ERC2: variants seen among roughly 807,000 people sequenced by gnomAD.
The protein encoded by ERC2 is ELKS/RAB6-interacting/CAST family member 2.
ERC2 carries 42 observed loss-of-function variants against 114.8 expected under a neutral mutation model. That is an observed-to-expected ratio of 0.37 (90% confidence interval 0.29 to 0.47). The LOEUF (loss-of-function observed/expected upper bound fraction) is 0.47, where lower values mean the gene tolerates loss of function less well. ERC2 is among the 20% of genes least tolerant of loss of function. The pLI is 0.99. For synonymous variants in ERC2, 454 were observed against 425.5 expected (o/e 1.07, Z -0.82); for missense variants, 939 against 1,150.7 (o/e 0.82, Z 2.66).
intron 2 of ERC2, among the ~76,000 whole-genome samples, chr3:56,366,230 C>A (rs564843646): frequency 2.0e-5 from 3 of 152,354 alleles, no homozygotes; most frequent in Non-Finnish European, 2.9e-5. Context: ...TTCTCTTTTT[C>A]ACTGTAAGAA....
intron 17 of ERC2, among the ~76,000 whole-genome samples, chr3:55,610,060 C>CAAAAA (rs1172154104): frequency 2.8e-4 from 14 of 50,438 alleles, no homozygotes; most frequent in Non-Finnish European, 3.8e-4. Context: ...CAAACAAACA[C>CAAAAA]AAACAAAAAA....
intron 17 of ERC2, among the ~76,000 whole-genome samples, chr3:55,545,280 AAATG>A (rs1420137753): frequency 6.6e-6 from 1 of 152,150 alleles, no homozygotes; most frequent in African/African-American, 2.4e-5. Flanking sequence ...TCCAAACTCC[AAATG>A]GCAACCAGAG....
chr3:55,628,390 G>T (rs2059609955), intron 17 of ERC2, among the ~76,000 whole-genome samples: 1 of 152,198 alleles, frequency 6.6e-6, no homozygotes, highest in Non-Finnish European at 1.5e-5. Context: ...AATGTAAATT[G>T]TCATGTTACC....
At chr3:55,653,623 A>G (rs1276581841) in intron 17 of ERC2, among the ~76,000 whole-genome samples, 2 of 149,422 alleles carry the variant, frequency 1.3e-5, no homozygotes, top group Non-Finnish European at 3.0e-5. Context: ...GTAAGCCTGG[A>G]AGAATCTCTG....
At position 56,247,004 on chromosome 3, in the gene ERC2, G is replaced by A. The variant is rs538430802; in HGVS notation, c.1074+49015C>T. Among the ~76,000 whole-genome samples, 52 of 152,336 alleles carry A rather than the reference G, an allele frequency of 3.4e-4. No homozygotes were observed. The South Asian group carries it at 0.01, about 30-fold the overall frequency. ...GAACTCTGCATTTTCCTCAACTAAA[G>A]TTTTATTTTGCCCAAGCAGTCACTG... is the stretch of plus-strand genomic sequence containing the variant. On this transcript the variant is annotated intron_variant, in intron 3 of 17. Transcript: ENST00000288221.
At chr3:55,788,965 T>TG (rs1258673335) in intron 14 of ERC2, among the ~76,000 whole-genome samples, 1 of 152,090 alleles carries the variant, frequency 6.6e-6, no homozygotes, top group African/African-American at 2.4e-5. Context: ...CCAAAAGGGG[T>TG]AACCAGTCAC....
At chr3:56,320,929 C>T (rs2057099943) in intron 2 of ERC2, among the ~76,000 whole-genome samples, 1 of 152,170 alleles carries the variant, frequency 6.6e-6, no homozygotes, top group Admixed American at 6.5e-5. Context: ...CTAGGGAAGT[C>T]TGCCCATTGT....
At chr3:55,929,619 T>C (rs2065952911) in intron 13 of ERC2, among the ~76,000 whole-genome samples, 1 of 152,180 alleles carries the variant, frequency 6.6e-6, no homozygotes, top group Non-Finnish European at 1.5e-5. Context: ...GAAGGTGATA[T>C]AATTTGTATT....
intron 3 of ERC2, among the ~76,000 whole-genome samples, chr3:56,186,114 TAAAAAAAA>T (rs201544979): frequency 3.6e-4 from 37 of 102,544 alleles, no homozygotes; most frequent in African/African-American, 1.2e-3. Context: ...TCAAGAACCT[TAAAAAAAA>T]AAAAAAAAAA....
chr3:55,937,317 C>G (rs530812658), intron 13 of ERC2, among the ~76,000 whole-genome samples: 49 of 152,338 alleles, frequency 3.2e-4, no homozygotes, highest in Non-Finnish European at 5.9e-4. Context: ...CTACTGCACT[C>G]TAGCCTGGGT....
intron 7 of ERC2, among the ~76,000 whole-genome samples, chr3:56,070,955 C>T (rs1201719117): frequency 6.6e-6 from 1 of 152,108 alleles, no homozygotes; most frequent in Non-Finnish European, 1.5e-5. Context: ...TTATCTTTTC[C>T]AGGAAGTCCT....
intron 11 of ERC2, among the ~76,000 whole-genome samples, chr3:55,988,389 G>A (rs914921078): frequency 6.6e-6 from 1 of 152,190 alleles, no homozygotes; most frequent in Non-Finnish European, 1.5e-5. Flanking sequence ...ATAACTGCAC[G>A]TGGGACCACA....
At chr3:55,924,535 C>T (rs1185934804) in intron 13 of ERC2, among the ~76,000 whole-genome samples, 1 of 151,980 alleles carries the variant, frequency 6.6e-6, no homozygotes, top group African/African-American at 2.4e-5. Context: ...TTTCTAGCCC[C>T]ACCTGAGCAT....
At chr3:56,361,788 G>T (rs2058967081) in intron 2 of ERC2, among the ~76,000 whole-genome samples, 1 of 152,160 alleles carries the variant, frequency 6.6e-6, no homozygotes, top group Non-Finnish European at 1.5e-5. Context: ...CCACAAGGTG[G>T]TTTTCTGCAT....
chr3:55,933,944 C>T (rs571054144), intron 13 of ERC2, among the ~76,000 whole-genome samples: 3 of 152,228 alleles, frequency 2.0e-5, no homozygotes, highest in African/African-American at 7.2e-5. Context: ...CACTTTGGTG[C>T]CTATGTGTCA....
At chr3:56,034,989 T>C (rs1379078975) in intron 7 of ERC2, among the ~76,000 whole-genome samples, 3 of 151,280 alleles carry the variant, frequency 2.0e-5, no homozygotes, top group African/African-American at 4.9e-5. Flanking sequence ...CAGAGACAAA[T>C]AAAATTAAGT....
At chr3:55,562,903 A>C (rs1032170878) in intron 17 of ERC2, among the ~76,000 whole-genome samples, 41 of 152,216 alleles carry the variant, frequency 2.7e-4, no homozygotes, top group Non-Finnish European at 1.3e-4. Context: ...AATTTTATGA[A>C]CATGCACATT....
intron 15 of ERC2, among the ~76,000 whole-genome samples, chr3:55,731,674 G>A (rs370023436): frequency 6.6e-6 from 1 of 152,158 alleles, no homozygotes; most frequent in African/African-American, 2.4e-5. Flanking sequence ...ATCCAACTGT[G>A]AGGCTGAGCA....
chr3:56,214,803 A>C (rs542639820), intron 3 of ERC2, among the ~76,000 whole-genome samples: 2 of 152,368 alleles, frequency 1.3e-5, no homozygotes, highest in Admixed American at 1.3e-4. Flanking sequence ...TCTCGGCAGA[A>C]ACTCTACGAG....
Sources: allele counts gnomAD v4.1 joint callset (sites outside exome capture counted in the v4.1 genomes callset), GRCh38; gene constraint gnomAD v4.1.1; transcripts MANE v1.5; gene names NCBI Gene and HGNC (gene_info 2026-07-23, HGNC 2026-07-21).